The following SLC36A1 variants were observed in gnomAD, a reference collection of about 807,000 sequenced individuals.
SLC36A1 encodes the protein solute carrier family 36 member 1.
Under a neutral mutation model 47.5 loss-of-function variants are expected in SLC36A1, and 30 were observed. That is an observed-to-expected ratio of 0.63 (90% CI 0.47 to 0.86). The LOEUF (loss-of-function observed/expected upper bound fraction) is 0.86. Among genes scored for constraint, SLC36A1 ranks in the 40% least tolerant of loss-of-function variants. The pLI is 0.00. For missense variants in SLC36A1, 517 were observed against 606.0 expected (o/e 0.85, Z 1.54); for synonymous variants, 255 against 249.7 (o/e 1.02, Z -0.20).
the SLC36A1 span, among the ~76,000 whole-genome samples, chr5:151,394,789 G>A: frequency 3.5e-4 from 53 of 152,316 alleles, no homozygotes; most frequent in Admixed American, 2.7e-3. Flanking sequence ...GTACCCAGGC[G>A]TGTGAAGTGT....
chr5:151,516,228 C>T, the SLC36A1 span, among the ~76,000 whole-genome samples: 115 of 152,262 alleles, frequency 7.6e-4, no homozygotes, highest in Middle Eastern at 3.4e-3. Context: ...ATTGTAACTC[C>T]GGCTGGGCAT....
chr5:151,505,867 C>A, the SLC36A1 span: 1 of 1,606,884 alleles, frequency 6.2e-7, no homozygotes, highest in East Asian at 2.2e-5. Flanking sequence ...GGCATCAGAT[C>A]TTCCAGGTTC....
At chr5:151,379,367 CT>C in the SLC36A1 span, among the ~76,000 whole-genome samples, 1 of 152,168 alleles carries the variant, frequency 6.6e-6, no homozygotes, top group East Asian at 1.9e-4. Context: ...GAGTTTTGCT[CT>C]TGTTGCCCAG....
chr5:151,543,658 A>G, the SLC36A1 span: 1 of 1,614,036 alleles, frequency 6.2e-7, no homozygotes, highest in African/African-American at 1.3e-5. Flanking sequence ...ATTCTCTGCT[A>G]ATTCTGCCTC....
At chr5:151,379,349 T>C in the SLC36A1 span, among the ~76,000 whole-genome samples, 1 of 152,266 alleles carries the variant, frequency 6.6e-6, no homozygotes, top group South Asian at 2.1e-4. Context: ...ATTTATTTAT[T>C]TGAGACAGAG....
At chr5:151,480,613 A>T (rs1251213096) in intron 10 of SLC36A1, among the ~76,000 whole-genome samples, 1 of 152,218 alleles carries the variant, frequency 6.6e-6, no homozygotes, top group Non-Finnish European at 1.5e-5. Flanking sequence ...AAGAAGGAAC[A>T]TGATGTATCC....
the SLC36A1 span, among the ~76,000 whole-genome samples, chr5:151,367,468 G>A: frequency 6.6e-6 from 1 of 150,758 alleles, no homozygotes; most frequent in South Asian, 2.1e-4. Flanking sequence ...TGTGCAAGAA[G>A]AAAAATATGG....
chr5:151,537,782 A>G, the SLC36A1 span: 1 of 1,605,606 alleles, frequency 6.2e-7, no homozygotes, highest in South Asian at 1.1e-5. Flanking sequence ...CCTGCAGCTC[A>G]GGAAACCCAC....
the SLC36A1 span, chr5:151,551,673 C>A: frequency 6.4e-7 from 1 of 1,567,068 alleles, no homozygotes; most frequent in Non-Finnish European, 8.7e-7. Context: ...ATAAGATAGG[C>A]TTTGGTTGTC....
the SLC36A1 span, chr5:151,504,608 T>C: frequency 6.5e-6 from 1 of 152,788 alleles, no homozygotes; most frequent in Admixed American, 6.5e-5. Context: ...AAATAGGAGT[T>C]CAGACTTCCT....
chr5:151,498,523 AG>A, the SLC36A1 span, among the ~76,000 whole-genome samples: 1 of 152,228 alleles, frequency 6.6e-6, no homozygotes, highest in Non-Finnish European at 1.5e-5. Flanking sequence ...CGGTGAAGCC[AG>A]GTCTGTCTGA....
chr5:151,505,011 G>A, the SLC36A1 span: 1 of 157,314 alleles, frequency 6.4e-6, no homozygotes, highest in Non-Finnish European at 1.4e-5. Context: ...CAAAGACACA[G>A]TGAGTGCTCG....
chr5:151,346,519 T>C, the SLC36A1 span, among the ~76,000 whole-genome samples: 219 of 152,264 alleles, frequency 1.4e-3, 1 homozygote, highest in African/African-American at 4.9e-3. Context: ...CCACTTGAAC[T>C]CAGGCCTTCT....
chr5:151,494,371 A>G (rs1760281277), downstream of SLC36A1, among the ~76,000 whole-genome samples: 1 of 152,178 alleles, frequency 6.6e-6, no homozygotes, highest in Non-Finnish European at 1.5e-5. Flanking sequence ...TGTGTTTTGC[A>G]TACAGTCATG....
At chr5:151,485,319 A>G (rs918555786) in intron 10 of SLC36A1, among the ~76,000 whole-genome samples, 2 of 152,234 alleles carry the variant, frequency 1.3e-5, no homozygotes, top group African/African-American at 4.8e-5. Flanking sequence ...CCCAGAGTAT[A>G]TAACACTGTG....
chr5:151,376,683 A>G, the SLC36A1 span, among the ~76,000 whole-genome samples: 28 of 151,816 alleles, frequency 1.8e-4, no homozygotes, highest in Admixed American at 4.6e-4. Context: ...CCCAGGCTGG[A>G]GTGCAATGGT....
chr5:151,379,865 C>T, the SLC36A1 span, among the ~76,000 whole-genome samples: 1 of 152,134 alleles, frequency 6.6e-6, no homozygotes, highest in South Asian at 2.1e-4. Flanking sequence ...CTCAATGTGG[C>T]TAGCAACTAT....
the SLC36A1 span, among the ~76,000 whole-genome samples, chr5:151,362,710 T>C: frequency 2.0e-5 from 3 of 152,208 alleles, no homozygotes; most frequent in Non-Finnish European, 2.9e-5. Context: ...TTGATTCTGC[T>C]GTTGAGACTC....
the SLC36A1 span, among the ~76,000 whole-genome samples, chr5:151,401,826 A>G: frequency 2.2e-4 from 33 of 152,160 alleles, no homozygotes; most frequent in Non-Finnish European, 4.6e-4. Flanking sequence ...AACATTATCA[A>G]TGTATAGAAA....
Sources: allele counts gnomAD v4.1 joint callset (sites outside exome capture counted in the v4.1 genomes callset), GRCh38; gene constraint gnomAD v4.1.1; transcripts MANE v1.5; gene names NCBI Gene and HGNC (gene_info 2026-07-23, HGNC 2026-07-21).